Variants in COL24A1 observed in about 807,000 individuals in gnomAD.
COL24A1 encodes collagen alpha-1(XXIV) chain.
Under a neutral mutation model 253.9 loss-of-function variants are expected in COL24A1, and 224 were observed. That is an observed-to-expected ratio of 0.88 (90% CI 0.79 to 0.99). The LOEUF (loss-of-function observed/expected upper bound fraction) is 0.99, where lower values mean the gene tolerates loss of function less well. Ranked by LOEUF, COL24A1 falls within the 50% of genes least tolerant of loss-of-function variation. COL24A1 has a pLI of 0.00. For synonymous variants in COL24A1, 685 were observed against 673.7 expected, an observed-to-expected ratio of 1.02 and a Z score of -0.26; for missense variants, 2,131 against 2,068.5, an observed-to-expected ratio of 1.03 and a Z score of -0.59.
chr1:85,919,090 G>A (rs1482325944), intron 24 of COL24A1, among the ~76,000 whole-genome samples: 2 of 152,016 alleles, frequency 1.3e-5, no homozygotes, highest in East Asian at 3.8e-4. Context: ...GACTAAACAT[G>A]TTCCACACAG....
At position 85,858,636 on chromosome 1, in the gene COL24A1, C is replaced by CTTCT. The variant is rs1349237543; in HGVS notation, c.3301-9231_3301-9230insAGAA. 1.8e-3 allele frequency among the ~76,000 whole-genome samples: 243 copies of CTTCT among 138,674 alleles called. 4 individuals carry two copies. The highest frequency in any genetic ancestry group is 5.1e-3 in the South Asian group (22 of 4,344). 91.0% of individuals were successfully genotyped at this position (138,674 alleles called of 152,430 possible). On this transcript the variant is annotated intron_variant, in intron 37 of 59. Transcript: ENST00000370571. ...TATTTTCTCCCTCCTTCCTTCCTTC[C>CTTCT]TTCCTTCCTTCCTTCCTTCCTTCCT...
intron 34 of COL24A1, 93 bp from the exon 35 acceptor site, chr1:85,874,795 C>T: frequency 4.3e-6 from 6 of 1,401,078 alleles, no homozygotes; most frequent in Non-Finnish European, 5.9e-6. Flanking sequence ...TCCCCAACGC[C>T]TGGGCCGTAG....
chr1:85,800,504 A>T (rs575005367), intron 47 of COL24A1, among the ~76,000 whole-genome samples: 1 of 152,346 alleles, frequency 6.6e-6, no homozygotes, highest in East Asian at 1.9e-4. Context: ...CTGGATAATA[A>T]AGGCAGAACA....
chr1:85,886,103 C>G (rs1682468250), intron 32 of COL24A1, among the ~76,000 whole-genome samples: 1 of 151,726 alleles, frequency 6.6e-6, no homozygotes, highest in Non-Finnish European at 1.5e-5. Context: ...CACTCTATCA[C>G]CCAGGTTGGA....
chr1:85,765,421 C>T (rs1346319944), intron 53 of COL24A1, among the ~76,000 whole-genome samples: 1 of 151,236 alleles, frequency 6.6e-6, no homozygotes, highest in Non-Finnish European at 1.5e-5. Flanking sequence ...AAATTATTTT[C>T]AGGTCAGGTA....
chr1:85,866,247 ACT>A (rs1396089792), intron 37 of COL24A1, among the ~76,000 whole-genome samples: 5 of 151,988 alleles, frequency 3.3e-5, no homozygotes, highest in Admixed American at 3.3e-4. Flanking sequence ...TGAGAGTGAG[ACT>A]CTGCCTAAAA....
chr1:85,817,277 TTG>T (rs1673135405), intron 46 of COL24A1, among the ~76,000 whole-genome samples: 1 of 152,204 alleles, frequency 6.6e-6, no homozygotes, highest in Non-Finnish European at 1.5e-5. Context: ...AAACCTTGTA[TTG>T]TGTTATTTTC....
chr1:86,125,636 A>T lies in COL24A1; in HGVS notation c.700T>A (p.Tyr234Asn). The change falls in exon 3 of 60, where the codon TAC becomes AAC. Residue 234 changes from tyrosine to asparagine, a missense_variant. Physicochemically the swap from Tyr to Asn is moderately radical, Grantham distance 143 (BLOSUM62 -2). Transcript: ENST00000370571. Reference protein sequence around the residue: ...IIPSAEASADYCRYVKQQCRQ... With the variant: ...IIPSAEASADNCRYVKQQCRQ... ...CACTGCTGTTTCACATATCTGCAGT[A>T]GTCTGCAGATGCTTCTGCAGAAGGA... 1 of 1,611,650 alleles carries T rather than the reference A, an allele frequency of 6.2e-7. No individual in the cohort carries two copies. Among genetic ancestry groups the T allele is most frequent in the Non-Finnish European group, 8.5e-7 (1 of 1,178,088 alleles).
intron 3 of COL24A1, among the ~76,000 whole-genome samples, chr1:86,119,464 C>CT (rs1024001191): frequency 1.3e-5 from 2 of 151,972 alleles, no homozygotes; most frequent in Non-Finnish European, 2.9e-5. Flanking sequence ...AAGAACATAC[C>CT]TTTTTTATGT....
intron 52 of COL24A1, among the ~76,000 whole-genome samples, chr1:85,779,484 T>C (rs1376748741): frequency 6.6e-6 from 1 of 152,136 alleles, no homozygotes; most frequent in East Asian, 1.9e-4. Flanking sequence ...TTCAGGATAT[T>C]AGAGTAGAGA....
At chr1:86,036,787 C>A (rs1019585702) in intron 12 of COL24A1, among the ~76,000 whole-genome samples, 3 of 152,112 alleles carry the variant, frequency 2.0e-5, no homozygotes, top group Admixed American at 6.6e-5. Context: ...TCTATAATTT[C>A]TTTCTCCAGT....
chr1:85,851,339 T>C (rs1223444115), intron 37 of COL24A1, among the ~76,000 whole-genome samples: 1 of 152,084 alleles, frequency 6.6e-6, no homozygotes, highest in Non-Finnish European at 1.5e-5. Flanking sequence ...AACCACAACT[T>C]AAGTATTTTT....
chr1:85,908,494 C>G, intron 27 of COL24A1, 104 bp downstream of exon 27: 1 of 638,448 alleles, frequency 1.6e-6, no homozygotes, highest in Non-Finnish European at 2.6e-6. Flanking sequence ...CTAGTTTACA[C>G]ATGACTTACT....
intron 1 of COL24A1, 79 bp from the exon 2 acceptor site, chr1:86,146,262 C>T: frequency 1.8e-6 from 2 of 1,084,564 alleles, no homozygotes; most frequent in Non-Finnish European, 2.7e-6. Context: ...ACAGTCTATG[C>T]AAGATTAAGA....
At chr1:86,077,921 G>C (rs572780516) in intron 7 of COL24A1, among the ~76,000 whole-genome samples, 1 of 152,008 alleles carries the variant, frequency 6.6e-6, no homozygotes, top group Non-Finnish European at 1.5e-5. Flanking sequence ...ACTATGGCAC[G>C]TGTATACCTA....
intron 24 of COL24A1, among the ~76,000 whole-genome samples, chr1:85,938,380 T>A (rs193197008): frequency 6.8e-6 from 1 of 146,820 alleles, no homozygotes; most frequent in African/African-American, 2.5e-5. Context: ...CTATAAGCTA[T>A]GGCAATCTCT....
chr1:85,892,471 A>G (rs1002880515), intron 31 of COL24A1, among the ~76,000 whole-genome samples: 2 of 152,096 alleles, frequency 1.3e-5, no homozygotes, highest in African/African-American at 2.4e-5. Context: ...AATATAAAGG[A>G]TGTTCTATAG....
At chr1:85,917,219 T>C (rs1298035717) in intron 24 of COL24A1, among the ~76,000 whole-genome samples, 2 of 152,186 alleles carry the variant, frequency 1.3e-5, no homozygotes, top group African/African-American at 4.8e-5. Context: ...TTGTGCAAAA[T>C]TTTAAAACGC....
intron 47 of COL24A1, among the ~76,000 whole-genome samples, chr1:85,815,715 C>T (rs1302704617): frequency 2.6e-5 from 4 of 151,102 alleles, no homozygotes; most frequent in African/African-American, 9.7e-5. Flanking sequence ...TGACTTATTA[C>T]CTAAGAAAAG....
Sources: allele counts gnomAD v4.1 joint callset (sites outside exome capture counted in the v4.1 genomes callset), GRCh38; gene constraint gnomAD v4.1.1; transcripts MANE v1.5; gene names NCBI Gene and HGNC (gene_info 2026-07-23, HGNC 2026-07-21).